Variants in EGLN1 observed in about 807,000 individuals in gnomAD.
The protein encoded by EGLN1 is egl nine homolog 1.
EGLN1 carries 17 observed loss-of-function variants against 38.3 expected under a neutral mutation model. The observed-to-expected ratio is 0.44, with a 90% CI of 0.30 to 0.67. The LOEUF (loss-of-function observed/expected upper bound fraction) is 0.67. Among genes scored for constraint, EGLN1 ranks in the 30% least tolerant of loss-of-function variants. The pLI, the probability that EGLN1 is intolerant of heterozygous loss-of-function variation, is 0.08. For synonymous variants in EGLN1, 283 were observed against 257.5 expected (o/e 1.10, Z -0.95); for missense variants, 477 against 603.3 (o/e 0.79, Z 2.19).
chr1:231,400,559 AAACT>A lies in EGLN1; in HGVS notation c.891+20435_891+20438del, dbSNP rs139301174. ...ACCATATGTTATGATTTACATGAAA[AAACT>A]AACCTGCTCAAAAGATTTGTATACG... On this transcript the variant is annotated intron_variant, in intron 1 of 4. Transcript: ENST00000366641. Among the ~76,000 whole-genome samples, 1,218 of 152,292 alleles carry A rather than the reference AAACT, an allele frequency of 8.0e-3. 20 individuals carry two copies. The highest frequency in any genetic ancestry group is 0.028 in the African/African-American group (1,154 of 41,560).
chr1:231,380,203 G>A (rs574215833), intron 1 of EGLN1, among the ~76,000 whole-genome samples: 1 of 150,374 alleles, frequency 6.7e-6, no homozygotes, highest in South Asian at 2.1e-4. Flanking sequence ...ATGAAATAAA[G>A]TCATTTAGAA....
At chr1:231,399,890 C>T (rs1688621953) in intron 1 of EGLN1, among the ~76,000 whole-genome samples, 1 of 151,916 alleles carries the variant, frequency 6.6e-6, no homozygotes, top group South Asian at 2.1e-4. Flanking sequence ...GACCCTTTTA[C>T]AAGGGGAATA....
chr1:231,380,320 A>AAAT (rs1308293097), intron 1 of EGLN1, among the ~76,000 whole-genome samples: 1 of 151,094 alleles, frequency 6.6e-6, no homozygotes, highest in Non-Finnish European at 1.5e-5. Flanking sequence ...CGTCTCAAAA[A>AAAT]AAAAAAAAAA....
chr1:231,412,983 A>G (rs1469901762), intron 1 of EGLN1, among the ~76,000 whole-genome samples: 1 of 151,674 alleles, frequency 6.6e-6, no homozygotes, highest in African/African-American at 2.4e-5. Flanking sequence ...TATCCAGAAT[A>G]TATCCTACAC....
At chr1:231,413,789 A>G in intron 1 of EGLN1, among the ~76,000 whole-genome samples, 1 of 152,090 alleles carries the variant, frequency 6.6e-6, no homozygotes, top group East Asian at 1.9e-4. Flanking sequence ...AGAAAATATA[A>G]CAAAGGGTAA....
At chr1:231,388,908 G>T (rs1688298771) in intron 1 of EGLN1, among the ~76,000 whole-genome samples, 1 of 152,106 alleles carries the variant, frequency 6.6e-6, no homozygotes, top group Non-Finnish European at 1.5e-5. Flanking sequence ...GCCCACCTCA[G>T]CCTCCCAAAA....
chr1:231,370,256 G>C (rs1687782095), intron 3 of EGLN1, among the ~76,000 whole-genome samples: 1 of 152,158 alleles, frequency 6.6e-6, no homozygotes, highest in Non-Finnish European at 1.5e-5. Context: ...TCAAAGCATG[G>C]ATAGTAGTTA....
chr1:231,403,226 G>A (rs1312740138), intron 1 of EGLN1, among the ~76,000 whole-genome samples: 1 of 152,130 alleles, frequency 6.6e-6, no homozygotes, highest in African/African-American at 2.4e-5. Context: ...TTAATGCAAG[G>A]AATATTCTAC....
intron 1 of EGLN1, among the ~76,000 whole-genome samples, chr1:231,419,506 T>C (rs1656491291): frequency 1.3e-5 from 2 of 152,230 alleles, no homozygotes; most frequent in Admixed American, 1.3e-4. Flanking sequence ...AACTAATTTC[T>C]TTCCTGCTCT....
At chr1:231,391,087 T>TG (rs1558387100) in intron 1 of EGLN1, among the ~76,000 whole-genome samples, 985 of 48,072 alleles carry the variant, frequency 0.02, 117 homozygotes, top group African/African-American at 0.058. Flanking sequence ...CATTCTGTTT[T>TG]TTTTTTGTGT....
intron 1 of EGLN1, among the ~76,000 whole-genome samples, chr1:231,385,935 C>T (rs1166139369): frequency 1.3e-5 from 2 of 152,142 alleles, no homozygotes; most frequent in East Asian, 3.8e-4. Context: ...AATGCAGCCT[C>T]AGCCTCCTGG....
chr1:231,391,093 TGTG>T (rs1558387193), intron 1 of EGLN1, among the ~76,000 whole-genome samples: 2 of 24,706 alleles, frequency 8.1e-5, no homozygotes, highest in Non-Finnish European at 1.1e-4. Context: ...GTTTTTTTTT[TGTG>T]TGTGTGTGTG....
At chr1:231,382,928 C>T (rs890486728) in intron 1 of EGLN1, among the ~76,000 whole-genome samples, 1 of 151,830 alleles carries the variant, frequency 6.6e-6, no homozygotes, top group Non-Finnish European at 1.5e-5. Context: ...TGGGGTGGCA[C>T]ACGCCTGTAA....
chr1:231,383,057 C>CAAAAAAAA (rs547747077), intron 1 of EGLN1, among the ~76,000 whole-genome samples: 26 of 70,552 alleles, frequency 3.7e-4, no homozygotes, highest in African/African-American at 1.6e-3. Context: ...AACTCTGTCT[C>CAAAAAAAA]AAAAAAAAAA....
chr1:231,383,463 C>T (rs1212774068), intron 1 of EGLN1, among the ~76,000 whole-genome samples: 1 of 152,010 alleles, frequency 6.6e-6, no homozygotes, highest in East Asian at 1.9e-4. Context: ...AACTTTGTCA[C>T]GGGAATGGGG....
intron 1 of EGLN1, among the ~76,000 whole-genome samples, chr1:231,419,481 A>C (rs1656490504): frequency 6.6e-6 from 1 of 152,244 alleles, no homozygotes; most frequent in Admixed American, 6.5e-5. Flanking sequence ...CAGTCTTCAC[A>C]GCCCTATTGT....
Position 231,363,956 on chromosome 1 carries a change from G to A in EGLN1, c.*2455C>T, listed in dbSNP as rs1010118585. On this transcript the variant is annotated 3_prime_UTR_variant, in exon 5 of 5. Coordinates refer to ENST00000366641, the MANE Select transcript of EGLN1 (RefSeq NM_022051.3). The stretch of plus-strand genomic sequence containing the variant: ...TGTTGAATAAAAACAGCATTATGAA[G>A]CTTTATCTTTAACCAGGATTAAACA... 1.3e-5 allele frequency: 2 copies of A among 152,238 alleles called. No homozygotes were observed. The highest frequency in any genetic ancestry group is 2.9e-5 in the Non-Finnish European group (2 of 68,012). 9.4% of individuals were successfully genotyped at this position (152,238 alleles called of 1,614,324 possible).
Position 231,366,859 on chromosome 1 carries a change from A to G in EGLN1, c.1217-384T>C, listed in dbSNP as rs548125018. On this transcript the variant is annotated intron_variant, in intron 4 of 4. Coordinates refer to ENST00000366641, the MANE Select transcript of EGLN1 (RefSeq NM_022051.3). ...TTTTATGTAAGGTCGACGTGCGATT[A>G]GCAATGGCTCTGGAAAACACAGCTA... Among the ~76,000 whole-genome samples, 12 of 152,384 alleles carry G rather than the reference A, an allele frequency of 7.9e-5. No homozygotes were observed. The South Asian group carries it at 2.5e-3, about 32-fold the overall frequency.
At chr1:231,383,846 T>C (rs1328381410) in intron 1 of EGLN1, among the ~76,000 whole-genome samples, 2 of 152,170 alleles carry the variant, frequency 1.3e-5, no homozygotes, top group African/African-American at 4.8e-5. Context: ...AGGTATGGCA[T>C]GAGGCCTGAG....
Sources: allele counts gnomAD v4.1 joint callset (sites outside exome capture counted in the v4.1 genomes callset), GRCh38; gene constraint gnomAD v4.1.1; transcripts MANE v1.5; gene names NCBI Gene and HGNC (gene_info 2026-07-23, HGNC 2026-07-21).